The following PTPRM variants were observed in gnomAD, a reference collection of about 807,000 sequenced individuals.
PTPRM encodes the protein receptor-type tyrosine-protein phosphatase mu.
In PTPRM, 47 loss-of-function variants were observed where a neutral mutation model predicts 186.7. That is an observed-to-expected ratio of 0.25 (90% CI 0.20 to 0.32). The LOEUF (loss-of-function observed/expected upper bound fraction) is 0.32. Among genes scored for constraint, PTPRM ranks in the 10% least tolerant of loss-of-function variants. PTPRM has a pLI of 1.00. For missense variants in PTPRM, 1,494 were observed against 1,865.0 expected (o/e 0.80, Z 3.66); for synonymous variants, 668 against 674.9 (o/e 0.99, Z 0.16).
chr18:7,782,890 A>G (rs2042924662), intron 2 of PTPRM, among the ~76,000 whole-genome samples: 1 of 152,196 alleles, frequency 6.6e-6, no homozygotes. Context: ...TTTAACATTC[A>G]ACAAATGTTT....
Position 7,567,790 on chromosome 18 carries a change from G to A in PTPRM, c.-29G>A, listed in dbSNP as rs767394472. 6.6e-6 allele frequency: 10 copies of A among 1,512,714 alleles called. No individual in the cohort carries two copies. The highest frequency in any genetic ancestry group is 8.8e-6 in the Non-Finnish European group (10 of 1,137,542). 93.7% of individuals were successfully genotyped at this position (1,512,714 alleles called of 1,614,324 possible). A position where few individuals can be genotyped will look rare whatever the true frequency, so the allele number is the denominator to read the frequency against. On this transcript the variant is annotated 5_prime_UTR_variant, in exon 1 of 33. Transcript: ENST00000580170. The surrounding 1 kb of genome is among the most constrained non-coding windows in gnomAD (Gnocchi z 4.3). ...CCTCGCGCGCCCACCCACCGCCGCC[G>A]GGGAGCGGCCCGGCCCGCACTCAGC...
intron 14 of PTPRM, among the ~76,000 whole-genome samples, chr18:8,235,996 G>T (rs1325989953): frequency 3.3e-5 from 5 of 152,028 alleles, no homozygotes; most frequent in Non-Finnish European, 5.9e-5. Context: ...CTCATGATGC[G>T]GTCTATCTGG....
chr18:8,032,523 G>C (rs186641074), intron 7 of PTPRM, among the ~76,000 whole-genome samples: 1 of 152,052 alleles, frequency 6.6e-6, no homozygotes. Context: ...ATATTTTAGA[G>C]ATGTCAGTTC....
intron 14 of PTPRM, among the ~76,000 whole-genome samples, chr18:8,193,649 A>G (rs1231243764): frequency 6.6e-6 from 1 of 152,244 alleles, no homozygotes; most frequent in Non-Finnish European, 1.5e-5. Context: ...AGAGCAGAAC[A>G]CAGTAGTGAG....
At chr18:7,677,632 T>G (rs146418831) in intron 1 of PTPRM, among the ~76,000 whole-genome samples, 2 of 152,116 alleles carry the variant, frequency 1.3e-5, no homozygotes, top group Non-Finnish European at 2.9e-5. Flanking sequence ...TTTCCCTGAG[T>G]GGCATGGAGA....
chr18:7,897,168 G>C (rs544936579), intron 3 of PTPRM, among the ~76,000 whole-genome samples: 2 of 152,286 alleles, frequency 1.3e-5, no homozygotes, highest in Admixed American at 1.3e-4. Context: ...AGGCCATTTC[G>C]GAGGCTAGGA....
intron 31 of PTPRM, among the ~76,000 whole-genome samples, chr18:8,391,230 C>T (rs574756292): frequency 2.0e-5 from 3 of 152,280 alleles, no homozygotes; most frequent in African/African-American, 7.2e-5. Flanking sequence ...AACATATACG[C>T]AGTCTGAGGC....
At chr18:8,243,944 G>T in intron 14 of PTPRM, 114 bp from the exon 15 acceptor site, 1 of 1,076,978 alleles carries the variant, frequency 9.3e-7, no homozygotes, top group South Asian at 1.6e-5. Flanking sequence ...ATCCATCTCT[G>T]AATGAATAGG....
chr18:8,322,128 C>T (rs2095349518), intron 22 of PTPRM, among the ~76,000 whole-genome samples: 1 of 152,152 alleles, frequency 6.6e-6, no homozygotes, highest in South Asian at 2.1e-4. Flanking sequence ...AATATATTCA[C>T]AGCAGGAACC....
intron 7 of PTPRM, among the ~76,000 whole-genome samples, chr18:7,981,137 G>GT (rs1181269215): frequency 6.6e-6 from 1 of 152,024 alleles, no homozygotes; most frequent in Non-Finnish European, 1.5e-5. Context: ...TCTCCCGCTG[G>GT]TTTTCTACTA....
At chr18:7,578,655 GAGAC>G (rs2036763230) in intron 1 of PTPRM, among the ~76,000 whole-genome samples, 1 of 142,816 alleles carries the variant, frequency 7.0e-6, no homozygotes, top group Non-Finnish European at 1.5e-5. Context: ...TTTTTTTTAA[GAGAC>G]AGAGGTCTTG....
chr18:7,676,532 C>A (rs1479979258), intron 1 of PTPRM, among the ~76,000 whole-genome samples: 1 of 152,074 alleles, frequency 6.6e-6, no homozygotes, highest in Non-Finnish European at 1.5e-5. Flanking sequence ...ACCCCCAAAC[C>A]TCACCAAAAT....
intron 1 of PTPRM, among the ~76,000 whole-genome samples, chr18:7,689,849 G>C (rs1476661257): frequency 2.0e-5 from 3 of 152,128 alleles, no homozygotes; most frequent in Admixed American, 6.5e-5. Flanking sequence ...TTTACACTCA[G>C]TGTTTTTACT....
chr18:7,671,760 T>C (rs2039221779), intron 1 of PTPRM, among the ~76,000 whole-genome samples: 1 of 152,158 alleles, frequency 6.6e-6, no homozygotes, highest in Admixed American at 6.5e-5. Flanking sequence ...AGTTTTTAAA[T>C]TAAAAAAATA....
At chr18:7,613,425 A>G (rs532570720) in intron 1 of PTPRM, among the ~76,000 whole-genome samples, 1 of 152,326 alleles carries the variant, frequency 6.6e-6, no homozygotes, top group East Asian at 1.9e-4. Context: ...CTGTAATCCC[A>G]GCAGTTTGGG....
chr18:7,960,450 C>CATATAT (rs71354579), intron 7 of PTPRM, among the ~76,000 whole-genome samples: 224 of 120,556 alleles, frequency 1.9e-3, no homozygotes, highest in Non-Finnish European at 2.8e-3. Context: ...ATATAGGCAA[C>CATATAT]ATATATATAT....
chr18:8,194,519 C>T (rs1047377517), intron 14 of PTPRM, among the ~76,000 whole-genome samples: 9 of 152,232 alleles, frequency 5.9e-5, no homozygotes, highest in African/African-American at 2.2e-4. Flanking sequence ...GAAATCCACA[C>T]TGGAAACAGG....
chr18:7,943,747 T>C (rs2052345117), intron 5 of PTPRM, among the ~76,000 whole-genome samples: 1 of 152,158 alleles, frequency 6.6e-6, no homozygotes, highest in Non-Finnish European at 1.5e-5. Context: ...CAACCTCTGC[T>C]TCTGTTATCT....
intron 19 of PTPRM, among the ~76,000 whole-genome samples, chr18:8,266,767 GT>G: frequency 1.3e-5 from 2 of 152,202 alleles, no homozygotes; most frequent in South Asian, 4.2e-4. Flanking sequence ...AATAAGCCAG[GT>G]GTGGTGGCAG....
Sources: allele counts gnomAD v4.1 joint callset (sites outside exome capture counted in the v4.1 genomes callset), GRCh38; gene constraint gnomAD v4.1.1; non-coding constraint Gnocchi (gnomAD v3.1); transcripts MANE v1.5; gene names NCBI Gene and HGNC (gene_info 2026-07-23, HGNC 2026-07-21).